The following FTO variants were observed in gnomAD, a reference collection of about 807,000 sequenced individuals.
FTO encodes the protein alpha-ketoglutarate-dependent dioxygenase FTO.
A neutral mutation model predicts 63.9 loss-of-function variants in FTO; 47 were observed. The ratio of observed to expected loss-of-function variants is 0.74; its 90% confidence interval spans 0.58 to 0.94. The LOEUF (loss-of-function observed/expected upper bound fraction) is 0.94, where lower values mean the gene tolerates loss of function less well. Ranked by LOEUF, FTO falls within the 40% of genes least tolerant of loss-of-function variation. The pLI is 0.00. For missense variants in FTO, 562 were observed against 618.1 expected (o/e 0.91, Z 0.96); for synonymous variants, 207 against 224.4 (o/e 0.92, Z 0.69).
chr16:54,004,295 G>T (rs1485663417), intron 8 of FTO, among the ~76,000 whole-genome samples: 10 of 152,108 alleles, frequency 6.6e-5, no homozygotes, highest in Admixed American at 6.5e-4. Flanking sequence ...GAGAGGCGGA[G>T]GGGGGAGGAT....
At chr16:53,731,609 C>T (rs879091377) in intron 1 of FTO, among the ~76,000 whole-genome samples, 1 of 152,070 alleles carries the variant, frequency 6.6e-6, no homozygotes, top group Non-Finnish European at 1.5e-5. Flanking sequence ...ACTCTGTAGC[C>T]CAGGCTGGAG....
intron 1 of FTO, among the ~76,000 whole-genome samples, chr16:53,756,844 T>G (rs527972942): frequency 3.0e-4 from 46 of 152,220 alleles, no homozygotes; most frequent in Non-Finnish European, 6.2e-4. Context: ...CTTTGTGTAC[T>G]CAGAGCATTT....
At chr16:54,054,502 C>G (rs2085385139) in intron 8 of FTO, 1 of 152,112 alleles carries the variant, frequency 6.6e-6, no homozygotes, top group Admixed American at 6.5e-5. Flanking sequence ...GACTGGAAAT[C>G]TTTGTTACTG....
chr16:53,783,317 T>TA (rs948331222), intron 1 of FTO, among the ~76,000 whole-genome samples: 3 of 150,360 alleles, frequency 2.0e-5, no homozygotes, highest in East Asian at 3.9e-4. Flanking sequence ...CTGTCTCTAC[T>TA]AAAAAAAAAT....
chr16:53,888,779 G>A (rs900950210), intron 6 of FTO, 53 bp from the exon 7 acceptor site: 53 of 1,602,932 alleles, frequency 3.3e-5, no homozygotes, highest in Non-Finnish European at 4.1e-5. Context: ...CATTGTCCTC[G>A]CTTGTCTATC....
chr16:53,865,658 T>C (rs2080291234), intron 4 of FTO, among the ~76,000 whole-genome samples: 1 of 152,126 alleles, frequency 6.6e-6, no homozygotes, highest in Non-Finnish European at 1.5e-5. Context: ...TATCGTCTCC[T>C]CCCCTGTCTC....
At chr16:53,717,409 T>C (rs1287519260) in intron 1 of FTO, among the ~76,000 whole-genome samples, 4 of 152,118 alleles carry the variant, frequency 2.6e-5, no homozygotes, top group Non-Finnish European at 5.9e-5. Context: ...ACCATTTATA[T>C]TGGCCAAATA....
intron 1 of FTO, among the ~76,000 whole-genome samples, chr16:53,764,701 A>G (rs8049424): frequency 0.042 from 6,392 of 151,994 alleles, 448 homozygotes; most frequent in African/African-American, 0.15. Flanking sequence ...TATAGGGCAA[A>G]TAAAAATTGG....
At chr16:53,793,973 AG>A (rs1195610017) in intron 1 of FTO, among the ~76,000 whole-genome samples, 1 of 152,270 alleles carries the variant, frequency 6.6e-6, no homozygotes, top group Non-Finnish European at 1.5e-5. Flanking sequence ...ACATATTAAA[AG>A]TTACTCATCC....
chr16:53,871,132 GT>G (rs1342681308), intron 4 of FTO, among the ~76,000 whole-genome samples: 1 of 151,970 alleles, frequency 6.6e-6, no homozygotes, highest in Non-Finnish European at 1.5e-5. Context: ...ACATGCTTTA[GT>G]TTAGTCTTAT....
At chr16:53,967,840 G>A (rs560186435) in intron 8 of FTO, among the ~76,000 whole-genome samples, 7 of 152,260 alleles carry the variant, frequency 4.6e-5, no homozygotes, top group African/African-American at 1.4e-4. Context: ...TTTAGAGAAG[G>A]GCAAATCCGG....
chr16:53,797,437 C>T (rs551516820), intron 1 of FTO, among the ~76,000 whole-genome samples: 1 of 152,154 alleles, frequency 6.6e-6, no homozygotes, highest in African/African-American at 2.4e-5. Context: ...GCCTGTCTTC[C>T]GTCACTCAGC....
chr16:54,040,708 G>C (rs1177053539), intron 8 of FTO: 1 of 152,190 alleles, frequency 6.6e-6, no homozygotes, highest in East Asian at 1.9e-4. Context: ...AGTCCCTGAG[G>C]CTGGAATGGG....
intron 6 of FTO, chr16:53,886,916 G>A (rs1482238379): frequency 1.3e-5 from 2 of 152,216 alleles, no homozygotes; most frequent in Non-Finnish European, 2.9e-5. Context: ...AATCCAGCCT[G>A]AAGCTGTGGT....
chr16:53,775,980 AT>A (rs769494762), intron 1 of FTO, among the ~76,000 whole-genome samples: 1 of 151,780 alleles, frequency 6.6e-6, no homozygotes, highest in Admixed American at 6.6e-5. Flanking sequence ...TGATTTGTTG[AT>A]TTTTCATGGT....
In FTO at chr16:54,106,570, ATATT is replaced by A. The variant is rs542223916; in HGVS notation, c.1365-5187_1365-5184del. On this transcript the variant is annotated intron_variant, in intron 8 of 8. Transcript: ENST00000471389. ...ATAATATTAGATATAATTATTCTAT[ATATT>A]TATTATATAATTATAATAATAGTTA... Among the ~76,000 whole-genome samples the A allele has an allele frequency of 6.0e-3, 855 of 141,812 alleles. 4 individuals carry two copies. The highest frequency in any genetic ancestry group is 9.1e-3 in the Non-Finnish European group (604 of 66,048). 93.0% of individuals were successfully genotyped at this position (141,812 alleles called of 152,430 possible).
chr16:53,759,902 G>A (rs186670999), intron 1 of FTO, among the ~76,000 whole-genome samples: 2 of 151,498 alleles, frequency 1.3e-5, no homozygotes, highest in Non-Finnish European at 2.9e-5. Context: ...TCCTGAGCTG[G>A]TCTAGGATCC....
intron 8 of FTO, among the ~76,000 whole-genome samples, chr16:54,012,896 A>G (rs931878447): frequency 1.3e-5 from 2 of 152,124 alleles, no homozygotes; most frequent in Admixed American, 1.3e-4. Context: ...GTCACCCAAG[A>G]GCTCTGATGG....
At chr16:54,023,397 G>T (rs1297537139) in intron 8 of FTO, among the ~76,000 whole-genome samples, 1 of 152,142 alleles carries the variant, frequency 6.6e-6, no homozygotes, top group African/African-American at 2.4e-5. Flanking sequence ...AAACTGATTA[G>T]GGCTTTCGTT....
Sources: allele counts gnomAD v4.1 joint callset (sites outside exome capture counted in the v4.1 genomes callset), GRCh38; gene constraint gnomAD v4.1.1; transcripts MANE v1.5; gene names NCBI Gene and HGNC (gene_info 2026-07-23, HGNC 2026-07-21).